Variants in COX5B observed in about 807,000 individuals in gnomAD.
COX5B encodes the protein cytochrome c oxidase subunit 5B.
In COX5B, 8 loss-of-function variants were observed where a neutral mutation model predicts 16.2. The observed-to-expected ratio is 0.49, with a 90% CI of 0.29 to 0.89. The LOEUF (loss-of-function observed/expected upper bound fraction) is 0.89, where lower values mean the gene tolerates loss of function less well. COX5B is among the 40% of genes least tolerant of loss of function. The pLI is 0.08. For synonymous variants in COX5B, 65 were observed against 67.6 expected (o/e 0.96, Z 0.19); for missense variants, 161 against 168.7 (o/e 0.95, Z 0.25).
chr2:97,646,561 T>TCATA (rs1384758335), intron 1 of COX5B: 3 of 225,974 alleles, frequency 1.3e-5, no homozygotes, highest in Non-Finnish European at 2.7e-5. Flanking sequence ...AAAGAAAAGC[T>TCATA]CATAGGCCGG....
At chr2:97,647,221 T>C in intron 2 of COX5B, 81 bp downstream of exon 2, 1 of 1,545,972 alleles carries the variant, frequency 6.5e-7, no homozygotes, top group Admixed American at 1.7e-5. Flanking sequence ...TCTGGGAGTA[T>C]TTGATACAGG....
chr2:97,647,903 T>C, intron 3 of COX5B, 93 bp from the exon 4 acceptor site: 1 of 1,035,484 alleles, frequency 9.7e-7, no homozygotes, highest in South Asian at 1.4e-5. Context: ...ATAGTCTTAC[T>C]TGTGTATCAG....
Position 97,648,105 on chromosome 2 carries a change from C to CT in COX5B, c.388dup (p.Ter130LeufsTer19). On this transcript the variant is annotated frameshift_variant, in exon 4 of 4. Transcript: ENST00000258424. LOFTEE classifies it high-confidence loss of function. ...AGCTGGTGCCCCAGCAGCTGGCACACTGAGCACCTGCACTAAATTACTCAA... is the reference window on the plus strand; with the variant it reads ...AGCTGGTGCCCCAGCAGCTGGCACACTTGAGCACCTGCACTAAATTACTCAA... The CT allele has an allele frequency of 6.2e-7, 1 of 1,600,052 alleles. No homozygotes were observed. The highest frequency in any genetic ancestry group is 8.5e-7 in the Non-Finnish European group (1 of 1,174,504).
In COX5B at chr2:97,648,325, AT is replaced by A. The variant is rs2104486046; in HGVS notation, c.*219del. 1 of 494,246 alleles carries A rather than the reference AT, an allele frequency of 2.0e-6. No homozygotes were observed. The highest frequency in any genetic ancestry group is 2.0e-5 in the African/African-American group (1 of 49,794). 30.6% of individuals were successfully genotyped at this position (494,246 alleles called of 1,614,324 possible). A position where few individuals can be genotyped will look rare whatever the true frequency, so the allele number is the denominator to read the frequency against. ...TGTATAACCAGTGTATAGTGCTTAG[AT>A]TAATAATAAGAATAGATCGACAACC... On this transcript the variant is annotated 3_prime_UTR_variant, in exon 4 of 4. Coordinates refer to ENST00000258424, the MANE Select transcript of COX5B (RefSeq NM_001862.3).
intron 1 of COX5B, 23 bp downstream of exon 1, chr2:97,646,212 C>G: frequency 6.6e-7 from 1 of 1,504,168 alleles, no homozygotes; most frequent in Non-Finnish European, 9.0e-7. Context: ...CCGGGCGTGC[C>G]AGGGACCAGA....
rs1320384436 is a variant in COX5B, at chr2:97,647,228, C to T, written c.177+88C>T. The T allele has an allele frequency of 1.2e-5, 18 of 1,537,218 alleles. No individual in the cohort carries two copies. The East Asian group carries it at 3.6e-4, about 31-fold the overall frequency. ...GTCTCCTCTCTGGGAGTATTTGATA[C>T]AGGAAACTTGGCTTGTAGGAACAGT... On this transcript the variant is annotated intron_variant, in intron 2 of 3. Coordinates refer to ENST00000258424, the MANE Select transcript of COX5B (RefSeq NM_001862.3).
Position 97,646,199 on chromosome 2 carries a change from T to C in COX5B, c.103+10T>C, listed in dbSNP as rs749727332. On this transcript the variant is annotated intron_variant, in intron 1 of 3. Coordinates refer to ENST00000258424, the MANE Select transcript of COX5B (RefSeq NM_001862.3). ...TCCATGGCATCTGGAGGTACTCGGG[T>C]CTCCGGGCGTGCCAGGGACCAGAGT... 45 of 1,526,718 alleles carry C rather than the reference T, an allele frequency of 2.9e-5. No individual in the cohort carries two copies. Among genetic ancestry groups the C allele is most frequent in the Middle Eastern group, 1.7e-4 (1 of 5,806 alleles). 94.6% of individuals were successfully genotyped at this position (1,526,718 alleles called of 1,614,324 possible). A position where few individuals can be genotyped will look rare whatever the true frequency, so the allele number is the denominator to read the frequency against.
rs752541397 is a variant in COX5B at position 97,647,309 on chromosome 2, TTTTTGTTTTG to T, written c.178-25_178-16del. 3 of 1,594,820 alleles carry T rather than the reference TTTTTGTTTTG, an allele frequency of 1.9e-6. No homozygotes were observed. The South Asian group carries it at 3.4e-5, about 18-fold the overall frequency. Reference sequence around the variant, plus strand: ...TGGCCTAATGGTTCAATTCTTGTTTTTTTTGTTTTGTTTTGTTTTTTGTTTTTTCTTCAGG... The same window carrying T: ...TGGCCTAATGGTTCAATTCTTGTTTTTTTTGTTTTTTGTTTTTTCTTCAGG... On this transcript the variant is annotated intron_variant, in intron 2 of 3. Coordinates refer to ENST00000258424, the MANE Select transcript of COX5B (RefSeq NM_001862.3).
rs1459677667 is a variant in COX5B at position 97,648,007 on chromosome 2, A to G, written c.289A>G (p.Asn97Asp). The change falls in exon 4 of 4, where the codon AAT becomes GAT. Residue 97 changes from asparagine to aspartate, a missense_variant. Transcript: ENST00000258424. The stretch of plus-strand genomic sequence containing the variant: ...TTTTTCCCTTTTAGGTGAAGAGGAC[A>G]ATACCAGCGTCGTCTGGTTTTGGCT... Reference protein sequence around the residue: ...RIVGCICEEDNTSVVWFWLHK... With the variant: ...RIVGCICEEDDTSVVWFWLHK... The G allele has an allele frequency of 6.2e-7, 1 of 1,613,968 alleles. No individual in the cohort carries two copies. Among genetic ancestry groups the G allele is most frequent in the South Asian group, 1.1e-5 (1 of 91,016 alleles).
In COX5B at chr2:97,646,176, C is replaced by A; in HGVS notation, c.90C>A (p.Ser30=). The A allele has an allele frequency of 6.5e-7, 1 of 1,549,120 alleles. No homozygotes were observed. The highest frequency in any genetic ancestry group is 2.4e-5 in the East Asian group (1 of 41,004). ...CCAGTGGCGCGGCCGCGATGCGCTC[C>A]ATGGCATCTGGAGGTACTCGGGTCT... ...RGPSGAAAMR[S]MASGGGVPTD... Residue 30 remains serine (S), a synonymous_variant, in exon 1 of 4, where the codon TCC becomes TCA. Coordinates refer to ENST00000258424, the MANE Select transcript of COX5B (RefSeq NM_001862.3).
At chr2:97,647,246 G>C (rs1674674571) in intron 2 of COX5B, 98 bp from the exon 3 acceptor site, 1 of 1,519,452 alleles carries the variant, frequency 6.6e-7, no homozygotes, top group South Asian at 1.1e-5. Context: ...TTGGCTTGTA[G>C]GAACAGTCCC....
intron 1 of COX5B, 154 bp from the exon 2 acceptor site, chr2:97,646,913 A>T: frequency 1.5e-6 from 1 of 667,114 alleles, no homozygotes. Flanking sequence ...GGTGGTTCTT[A>T]GGGGACCATG....
chr2:97,646,768 A>C, intron 1 of COX5B: 3 of 288,428 alleles, frequency 1.0e-5, no homozygotes, highest in Non-Finnish European at 2.1e-5. Context: ...GAATCGCTTA[A>C]ACCCGGGAGG....
At position 97,646,336 on chromosome 2, in the gene COX5B, C is replaced by T. The variant is rs1573173661; in HGVS notation, c.103+147C>T. On this transcript the variant is annotated intron_variant, in intron 1 of 3. Coordinates refer to ENST00000258424, the MANE Select transcript of COX5B (RefSeq NM_001862.3). ...AGTGCCTCAGGCTCTGCAGGCATCT[C>T]CCTGTAATTCTGGACCGCTGCTCCT... 22 of 587,542 alleles carry T rather than the reference C, an allele frequency of 3.7e-5. No individual in the cohort carries two copies. In the East Asian group the frequency reaches 5.9e-4, roughly 16 times the overall value. 36.4% of individuals were successfully genotyped at this position (587,542 alleles called of 1,614,324 possible).
At position 97,648,255 on chromosome 2, in the gene COX5B, G is replaced by A; in HGVS notation, c.*147G>A. ...TAGGCATGGAATATGCTTATTTTGGGAAAAGCTGTCTGTTAATGCTAGCTT... is the reference window on the plus strand; with the variant it reads ...TAGGCATGGAATATGCTTATTTTGGAAAAAGCTGTCTGTTAATGCTAGCTT... On this transcript the variant is annotated 3_prime_UTR_variant, in exon 4 of 4. Coordinates refer to ENST00000258424, the MANE Select transcript of COX5B (RefSeq NM_001862.3). 1 of 703,806 alleles carries A rather than the reference G, an allele frequency of 1.4e-6. No individual in the cohort carries two copies. The highest frequency in any genetic ancestry group is 2.9e-5 in the East Asian group (1 of 34,780). 43.6% of individuals were successfully genotyped at this position (703,806 alleles called of 1,614,324 possible).
At position 97,647,993 on chromosome 2, in the gene COX5B, T is replaced by C. The variant is rs750559679; in HGVS notation, c.278-3T>C. Reference sequence around the variant, plus strand: ...ACCATAAACCACCTTTTTTCCCTTTTAGGTGAAGAGGACAATACCAGCGTC... The same window carrying C: ...ACCATAAACCACCTTTTTTCCCTTTCAGGTGAAGAGGACAATACCAGCGTC... On this transcript the variant is annotated splice_polypyrimidine_tract_variant and splice_region_variant and intron_variant, in intron 3 of 3. Transcript: ENST00000258424. 6.8e-6 allele frequency: 11 copies of C among 1,612,856 alleles called. 1 individual carries two copies. In the Middle Eastern group the frequency reaches 6.6e-4, roughly 97 times the overall value.
rs576346921 is a variant in COX5B at position 97,647,328 on chromosome 2, T to A, written c.178-16T>A. The A allele has an allele frequency of 1.0e-5, 16 of 1,604,460 alleles. No homozygotes were observed. The South Asian group carries it at 1.7e-4, about 17-fold the overall frequency. ...TTGTTTTTTTTGTTTTGTTTTGTTT[T>A]TTGTTTTTTCTTCAGGACCCATACA... On this transcript the variant is annotated splice_polypyrimidine_tract_variant and intron_variant, in intron 2 of 3. Transcript: ENST00000258424.
At chr2:97,647,612 G>A (rs1402733437) in intron 3 of COX5B, among the ~76,000 whole-genome samples, 169 bp downstream of exon 3, 6 of 152,196 alleles carry the variant, frequency 3.9e-5, no homozygotes, top group African/African-American at 9.7e-5. Flanking sequence ...GGAAAGAAGC[G>A]CAGCACAGCG....
At chr2:97,647,478 TTAA>T in intron 3 of COX5B, 35 bp downstream of exon 3, 9 of 1,533,920 alleles carry the variant, frequency 5.9e-6, no homozygotes, top group Non-Finnish European at 8.1e-6. Context: ...ATCCACTTGC[TTAA>T]TATATCCTAC....
Sources: allele counts gnomAD v4.1 joint callset (sites outside exome capture counted in the v4.1 genomes callset), GRCh38; gene constraint gnomAD v4.1.1; transcripts MANE v1.5; gene names NCBI Gene and HGNC (gene_info 2026-07-23, HGNC 2026-07-21).